LRRC40: variants seen among roughly 807,000 people sequenced by gnomAD.
LRRC40 encodes the protein leucine rich repeat containing 40, also known as leucine-rich repeat-containing protein 40.
In LRRC40, 76 loss-of-function variants were observed where a neutral mutation model predicts 72.8. That is an observed-to-expected ratio of 1.04 (90% confidence interval 0.87 to 1.26). LRRC40 has a LOEUF of 1.26. Among genes scored for constraint, LRRC40 ranks in the 50% most tolerant of loss-of-function variants. The probability of loss-of-function intolerance (pLI) is 0.00; values close to 1 mark genes in which losing one functional copy is unlikely to be tolerated. For synonymous variants in LRRC40, 243 were observed against 254.2 expected, an observed-to-expected ratio of 0.96 and a Z score of 0.42; for missense variants, 684 against 698.9, an observed-to-expected ratio of 0.98 and a Z score of 0.24.
chr1:70,168,429 C>T (rs1667935077), intron 9 of LRRC40, among the ~76,000 whole-genome samples: 1 of 152,218 alleles, frequency 6.6e-6, no homozygotes, highest in Non-Finnish European at 1.5e-5. Context: ...GAGAGTGTTA[C>T]TCTTAGAGAA....
chr1:70,192,058 G>A (rs1668512677), intron 1 of LRRC40, among the ~76,000 whole-genome samples: 2 of 152,038 alleles, frequency 1.3e-5, no homozygotes, highest in Admixed American at 1.3e-4. Context: ...GTTGCTTTGG[G>A]GAGTATGACC....
At chr1:70,193,835 G>A (rs368527806) in intron 1 of LRRC40, among the ~76,000 whole-genome samples, 43 of 151,904 alleles carry the variant, frequency 2.8e-4, no homozygotes, top group African/African-American at 1.0e-3. Context: ...CATATTAACA[G>A]AAAAATGAGA....
chr1:70,167,776 G>A (rs542334828), intron 9 of LRRC40, among the ~76,000 whole-genome samples: 71 of 151,808 alleles, frequency 4.7e-4, no homozygotes, highest in African/African-American at 1.5e-3. Context: ...CACCACTCCC[G>A]GCTAATTTTT....
chr1:70,159,715 G>T (rs1667715281), intron 9 of LRRC40, among the ~76,000 whole-genome samples: 1 of 152,142 alleles, frequency 6.6e-6, no homozygotes, highest in South Asian at 2.1e-4. Context: ...GAATAACTAT[G>T]ATGTATAAGA....
intron 1 of LRRC40, 61 bp downstream of exon 1, chr1:70,205,329 G>A: frequency 2.1e-6 from 3 of 1,453,546 alleles, no homozygotes; most frequent in Non-Finnish European, 2.8e-6. Context: ...GAAAAGGGAG[G>A]TTGCCTGGGC....
chr1:70,185,180 C>A (rs756310615), intron 3 of LRRC40, among the ~76,000 whole-genome samples: 1 of 152,272 alleles, frequency 6.6e-6, no homozygotes, highest in Non-Finnish European at 1.5e-5. Context: ...GTTTTGATTG[C>A]ATGCTTATAA....
At chr1:70,152,989 A>C (rs1268219781) in intron 11 of LRRC40, among the ~76,000 whole-genome samples, 1 of 152,208 alleles carries the variant, frequency 6.6e-6, no homozygotes, top group East Asian at 1.9e-4. Flanking sequence ...TAAAACTTAA[A>C]GAGGAAGAAT....
rs550182310 is a variant in LRRC40 at position 70,154,765 on chromosome 1, CTCT to C, written c.1328+921_1328+923del. On this transcript the variant is annotated intron_variant, in intron 11 of 14. Coordinates refer to ENST00000370952, the MANE Select transcript of LRRC40 (RefSeq NM_017768.5). ...CTCCACGACATCACCTTTTTTTTTCCTCTTAAGTATTTACGTGCATAAAAGCAT... is the reference window on the plus strand; with the variant it reads ...CTCCACGACATCACCTTTTTTTTTCCTAAGTATTTACGTGCATAAAAGCAT... Among the ~76,000 whole-genome samples, 256 of 151,622 alleles carry C rather than the reference CTCT, an allele frequency of 1.7e-3. 1 individual carries two copies. Among genetic ancestry groups the C allele is most frequent in the African/African-American group, 5.7e-3 (234 of 41,400 alleles).
At chr1:70,164,925 G>A (rs1396605212) in intron 9 of LRRC40, among the ~76,000 whole-genome samples, 1 of 152,142 alleles carries the variant, frequency 6.6e-6, no homozygotes, top group Non-Finnish European at 1.5e-5. Context: ...TTATTTGAAA[G>A]TCTGTGATAA....
At chr1:70,172,726 T>A (rs1365238983) in intron 9 of LRRC40, among the ~76,000 whole-genome samples, 4 of 152,126 alleles carry the variant, frequency 2.6e-5, no homozygotes, top group African/African-American at 7.2e-5. Flanking sequence ...AAAAAATAGC[T>A]AAACTACACA....
In LRRC40 at chr1:70,199,144, T is replaced by G. The variant is rs1571499446; in HGVS notation, c.151+6246A>C. Among the ~76,000 whole-genome samples, 3 of 151,280 alleles carry G rather than the reference T, an allele frequency of 2.0e-5. No homozygotes were observed. The South Asian group carries it at 6.2e-4, about 31-fold the overall frequency. On this transcript the variant is annotated intron_variant, in intron 1 of 14. Coordinates refer to ENST00000370952, the MANE Select transcript of LRRC40 (RefSeq NM_017768.5). Reference sequence around the variant, plus strand: ...TTCCAGCCTGGGCAACAGAGTGAGATCCTGTCTCAATCAATAAATAAACTA... The same window carrying G: ...TTCCAGCCTGGGCAACAGAGTGAGAGCCTGTCTCAATCAATAAATAAACTA...
intron 4 of LRRC40, among the ~76,000 whole-genome samples, chr1:70,184,552 C>T (rs1571479825): frequency 6.6e-6 from 1 of 152,190 alleles, no homozygotes; most frequent in Non-Finnish European, 1.5e-5. Flanking sequence ...ATCTTCATTG[C>T]ACCTTTCCCA....
At chr1:70,167,293 C>T (rs539092641) in intron 9 of LRRC40, among the ~76,000 whole-genome samples, 2 of 151,448 alleles carry the variant, frequency 1.3e-5, no homozygotes, top group East Asian at 3.9e-4. Flanking sequence ...AGCGTGGTGG[C>T]TCATGCCTAT....
At chr1:70,156,886 G>C (rs143518527) in intron 10 of LRRC40, among the ~76,000 whole-genome samples, 1 of 151,962 alleles carries the variant, frequency 6.6e-6, no homozygotes, top group African/African-American at 2.4e-5. Context: ...TAATATTTTC[G>C]GACTGCACCT....
chr1:70,194,275 T>A (rs769232895), intron 1 of LRRC40, among the ~76,000 whole-genome samples: 3 of 151,936 alleles, frequency 2.0e-5, no homozygotes, highest in Non-Finnish European at 4.4e-5. Context: ...TATAGAAAAA[T>A]CAACTATGTT....
intron 6 of LRRC40, among the ~76,000 whole-genome samples, chr1:70,178,294 G>C (rs974834642): frequency 4.6e-5 from 7 of 152,096 alleles, no homozygotes; most frequent in African/African-American, 1.7e-4. Flanking sequence ...TTATCAGATG[G>C]AAAATTATTC....
intron 14 of LRRC40, among the ~76,000 whole-genome samples, chr1:70,148,262 TTA>T (rs1667365437): frequency 6.6e-6 from 1 of 151,926 alleles, no homozygotes; most frequent in African/African-American, 2.4e-5. Context: ...CTAGAAATAA[TTA>T]GTTATTATAT....
At chr1:70,204,036 T>C (rs1668821702) in intron 1 of LRRC40, among the ~76,000 whole-genome samples, 1 of 152,246 alleles carries the variant, frequency 6.6e-6, no homozygotes, top group African/African-American at 2.4e-5. Flanking sequence ...TCTGGTTATA[T>C]AACAATAACC....
At chr1:70,147,936 T>TA (rs1199657808) in intron 14 of LRRC40, 7 of 152,054 alleles carry the variant, frequency 4.6e-5, no homozygotes, top group African/African-American at 1.7e-4. Context: ...ATCGTACAAA[T>TA]AAGTCCAAAT....
Sources: allele counts gnomAD v4.1 joint callset (sites outside exome capture counted in the v4.1 genomes callset), GRCh38; gene constraint gnomAD v4.1.1; transcripts MANE v1.5; gene names NCBI Gene and HGNC (gene_info 2026-07-23, HGNC 2026-07-21).